The following C12orf42 variants were observed in gnomAD, a reference collection of about 807,000 sequenced individuals.
The protein encoded by C12orf42 is uncharacterized protein C12orf42.
C12orf42 carries 25 observed loss-of-function variants against 21.6 expected under a neutral mutation model. The observed-to-expected ratio is 1.16, with a 90% CI of 0.84 to 1.62. The LOEUF (loss-of-function observed/expected upper bound fraction) is 1.62, where lower values mean the gene tolerates loss of function less well. C12orf42 is among the 40% of genes most tolerant of loss of function. C12orf42 has a pLI of 0.00. For missense variants in C12orf42, 483 were observed against 459.3 expected (o/e 1.05, Z -0.47); for synonymous variants, 174 against 175.0 (o/e 0.99, Z 0.05).
At chr12:103,164,814 G>C in the C12orf42 span, 7 of 422,316 alleles carry the variant, frequency 1.7e-5, no homozygotes, top group East Asian at 5.0e-4. Flanking sequence ...CAGTAGGAGA[G>C]ACAAGATAAA....
At chr12:103,502,564 C>T in the C12orf42 span, among the ~76,000 whole-genome samples, 650 of 152,262 alleles carry the variant, frequency 4.3e-3, 5 homozygotes, top group African/African-American at 0.015. Context: ...ATAGAACCTA[C>T]ACCTTGGTAA....
the C12orf42 span, among the ~76,000 whole-genome samples, chr12:103,114,045 C>A: frequency 1.1e-4 from 17 of 151,978 alleles, no homozygotes; most frequent in Non-Finnish European, 2.1e-4. Context: ...GGGGCGTTTT[C>A]TATTGAAAAT....
At chr12:103,163,020 A>G in the C12orf42 span, 47 of 152,256 alleles carry the variant, frequency 3.1e-4, no homozygotes, top group African/African-American at 1.1e-3. Context: ...AAGGAGAAAA[A>G]ATCCTTCTTT....
the C12orf42 span, among the ~76,000 whole-genome samples, chr12:103,563,274 C>A: frequency 6.6e-6 from 1 of 152,154 alleles, no homozygotes; most frequent in Non-Finnish European, 1.5e-5. Context: ...CTGGACTAAG[C>A]CCAGATGTCC....
intron 4 of C12orf42, among the ~76,000 whole-genome samples, chr12:103,330,150 C>T (rs149747368): frequency 2.1e-4 from 32 of 152,024 alleles, no homozygotes; most frequent in African/African-American, 6.3e-4. Context: ...ACATTCAGAC[C>T]GACAGCAAGC....
At chr12:103,175,326 A>G in the C12orf42 span, among the ~76,000 whole-genome samples, 3 of 152,220 alleles carry the variant, frequency 2.0e-5, no homozygotes, top group African/African-American at 7.2e-5. Flanking sequence ...ATCCCAAGTT[A>G]TAAATACAAA....
chr12:103,059,603 GC>G, the C12orf42 span, among the ~76,000 whole-genome samples: 1 of 152,136 alleles, frequency 6.6e-6, no homozygotes, highest in Non-Finnish European at 1.5e-5. Flanking sequence ...ACTGAATCCA[GC>G]AGCATATCAA....
At chr12:103,313,826 A>C (rs1371063904) in intron 4 of C12orf42, among the ~76,000 whole-genome samples, 2 of 152,308 alleles carry the variant, frequency 1.3e-5, no homozygotes, top group East Asian at 3.9e-4. Context: ...ACATTTCTTC[A>C]TTCAAAAATA....
the C12orf42 span, among the ~76,000 whole-genome samples, chr12:103,117,783 G>A: frequency 2.6e-5 from 4 of 152,138 alleles, no homozygotes; most frequent in Non-Finnish European, 5.9e-5. Flanking sequence ...TTTCCTTCCA[G>A]TATATTCAAT....
At chr12:103,500,394 A>G (rs1458369182), upstream of C12orf42, among the ~76,000 whole-genome samples, 1 of 152,230 alleles carries the variant, frequency 6.6e-6, no homozygotes, top group Non-Finnish European at 1.5e-5. Context: ...GTTACATAAA[A>G]TTATTCAGTA....
At chr12:103,309,837 G>C (rs925804820) in intron 4 of C12orf42, among the ~76,000 whole-genome samples, 6 of 152,242 alleles carry the variant, frequency 3.9e-5, no homozygotes, top group Non-Finnish European at 7.3e-5. Flanking sequence ...CAGGTGCCCA[G>C]ACACAGCCCT....
At chr12:103,088,873 G>A in the C12orf42 span, among the ~76,000 whole-genome samples, 7 of 152,080 alleles carry the variant, frequency 4.6e-5, no homozygotes, top group Admixed American at 3.9e-4. Flanking sequence ...GGAGGCCGAG[G>A]AGGCCAGATC....
intron 4 of C12orf42, among the ~76,000 whole-genome samples, chr12:103,327,155 C>A (rs1479119845): frequency 6.6e-6 from 1 of 152,118 alleles, no homozygotes; most frequent in African/African-American, 2.4e-5. Flanking sequence ...GGGCTGGGAC[C>A]TTCCGGTTTC....
At chr12:103,203,457 A>T in the C12orf42 span, among the ~76,000 whole-genome samples, 1 of 152,212 alleles carries the variant, frequency 6.6e-6, no homozygotes, top group East Asian at 1.9e-4. Flanking sequence ...GGGTTAACCT[A>T]TCAAAACTTG....
At chr12:103,341,585 C>A (rs2137251060) in intron 4 of C12orf42, among the ~76,000 whole-genome samples, 1 of 152,124 alleles carries the variant, frequency 6.6e-6, no homozygotes. Context: ...GAACAGAGAA[C>A]AAATGAGACA....
chr12:103,084,400 A>T, the C12orf42 span, among the ~76,000 whole-genome samples: 6 of 152,166 alleles, frequency 3.9e-5, no homozygotes, highest in East Asian at 1.9e-4. Flanking sequence ...ACTTTTTTTT[A>T]AATTATACTT....
the C12orf42 span, among the ~76,000 whole-genome samples, chr12:103,153,152 T>C: frequency 6.6e-6 from 1 of 152,298 alleles, no homozygotes; most frequent in African/African-American, 2.4e-5. Context: ...AACTCTTACT[T>C]TACATTGTGT....
At chr12:103,389,394 C>A (rs2046884737) in intron 3 of C12orf42, among the ~76,000 whole-genome samples, 1 of 152,216 alleles carries the variant, frequency 6.6e-6, no homozygotes, top group South Asian at 2.1e-4. Flanking sequence ...AGGATCTGCT[C>A]TCCTCTGAGG....
chr12:103,388,184 C>A (rs190994108), intron 3 of C12orf42, among the ~76,000 whole-genome samples: 66 of 152,278 alleles, frequency 4.3e-4, no homozygotes, highest in African/African-American at 1.5e-3. Flanking sequence ...GGGGTGATAA[C>A]TCTGAGTGCC....
Sources: allele counts gnomAD v4.1 joint callset (sites outside exome capture counted in the v4.1 genomes callset), GRCh38; gene constraint gnomAD v4.1.1; transcripts MANE v1.5; gene names NCBI Gene and HGNC (gene_info 2026-07-23, HGNC 2026-07-21).